NBEAL1: variants seen among roughly 807,000 people sequenced by gnomAD.
The protein encoded by NBEAL1 is neurobeachin-like protein 1.
Under a neutral mutation model 351.3 loss-of-function variants are expected in NBEAL1, and 273 were observed. The ratio of observed to expected loss-of-function variants is 0.78; its 90% CI spans 0.70 to 0.86. The LOEUF is 0.86. NBEAL1 is among the 40% of genes least tolerant of loss of function. The pLI is 0.00. For missense variants in NBEAL1, 2,961 were observed against 3,201.3 expected (o/e 0.92, Z 1.81); for synonymous variants, 1,050 against 1,086.4 (o/e 0.97, Z 0.66).
At chr2:203,118,745 C>G (rs1324257047) in intron 18 of NBEAL1, among the ~76,000 whole-genome samples, 1 of 152,106 alleles carries the variant, frequency 6.6e-6, no homozygotes, top group Non-Finnish European at 1.5e-5. Flanking sequence ...GCACGTACCA[C>G]CACACCTGGC....
In NBEAL1 at chr2:203,138,290, T is replaced by A; in HGVS notation, c.4694T>A (p.Val1565Asp). The change falls in exon 30 of 56, where the codon GTT (valine) becomes GAT (aspartate). Residue 1565 changes from valine to aspartate, a missense_variant. Val to Asp is a radical substitution (Grantham distance 152, BLOSUM62 -3). Transcript: ENST00000683969. Reference sequence around the variant, plus strand: ...GACTTTCTTCAGTCAGAGGGACTAGTTAATTCAAACATGTGGACCGAGAAG... The same window carrying A: ...GACTTTCTTCAGTCAGAGGGACTAGATAATTCAAACATGTGGACCGAGAAG... Reference protein sequence around the residue: ...IQDFLQSEGLVNSNMWTEKLL... With the variant: ...IQDFLQSEGLDNSNMWTEKLL... 1 of 1,613,618 alleles carries A rather than the reference T, an allele frequency of 6.2e-7. No homozygotes were observed. Among genetic ancestry groups the A allele is most frequent in the African/African-American group, 1.3e-5 (1 of 75,016 alleles).
chr2:203,191,527 A>G (rs2065087501), intron 46 of NBEAL1, among the ~76,000 whole-genome samples: 1 of 152,138 alleles, frequency 6.6e-6, no homozygotes, highest in African/African-American at 2.4e-5. Context: ...GAATTTAGTG[A>G]TGTAGAATGT....
At chr2:203,110,765 T>A (rs2062552099) in intron 15 of NBEAL1, among the ~76,000 whole-genome samples, 1 of 60,588 alleles carries the variant, frequency 1.7e-5, no homozygotes, top group Non-Finnish European at 3.7e-5. Flanking sequence ...ATTTTCTTTT[T>A]TCTTTTTTTT....
intron 6 of NBEAL1, among the ~76,000 whole-genome samples, chr2:203,067,394 A>C (rs1035350996): frequency 6.6e-6 from 1 of 152,218 alleles, no homozygotes; most frequent in Non-Finnish European, 1.5e-5. Context: ...ATTTCTAATG[A>C]ATTTGGATAG....
chr2:203,094,798 T>G (rs1193793677), intron 10 of NBEAL1, among the ~76,000 whole-genome samples: 1 of 152,150 alleles, frequency 6.6e-6, no homozygotes, highest in Admixed American at 6.6e-5. Context: ...TAATGTAAAT[T>G]TTTTAAGCTG....
At chr2:203,213,937 A>G (rs2065855300) in intron 55 of NBEAL1, 1 of 264,940 alleles carries the variant, frequency 3.8e-6, no homozygotes, top group African/African-American at 2.3e-5. Context: ...TAGATTTTCA[A>G]TACATAAGAG....
intron 12 of NBEAL1, among the ~76,000 whole-genome samples, chr2:203,105,381 G>A (rs539517834): frequency 4.6e-5 from 7 of 152,038 alleles, no homozygotes; most frequent in Admixed American, 2.0e-4. Context: ...CAGGAGAATG[G>A]TGTGAAACCT....
chr2:203,172,908 T>C (rs1406545794), intron 41 of NBEAL1, 55 bp downstream of exon 41: 4 of 1,511,500 alleles, frequency 2.6e-6, no homozygotes, highest in Non-Finnish European at 3.5e-6. Flanking sequence ...GAATTTGTAT[T>C]GATTTTTTAC....
At chr2:203,119,567 AG>A (rs2062783615) in intron 18 of NBEAL1, among the ~76,000 whole-genome samples, 1 of 151,160 alleles carries the variant, frequency 6.6e-6, no homozygotes, top group Non-Finnish European at 1.5e-5. Context: ...CTGGGATTAC[AG>A]GCATGCGCCA....
chr2:203,127,482 G>A lies in NBEAL1; in HGVS notation c.3249-299G>A, dbSNP rs9941593. ...CTCACGCCTGTAATCCCAGCACTTC[G>A]GGAGGCTGAGGTGGGCAGATCGTGA... is the stretch of plus-strand genomic sequence containing the variant. On this transcript the variant is annotated intron_variant, in intron 23 of 55. Coordinates refer to ENST00000683969, the MANE Select transcript of NBEAL1 (RefSeq NM_001378026.1). Among the ~76,000 whole-genome samples, 5,352 of 152,120 alleles carry A rather than the reference G, an allele frequency of 0.035. 302 individuals carry two copies. Among genetic ancestry groups the A allele is most frequent in the African/African-American group, 0.12 (4,985 of 41,474 alleles).
intron 50 of NBEAL1, 55 bp from the exon 51 acceptor site, chr2:203,202,632 A>G: frequency 1.0e-6 from 1 of 987,136 alleles, no homozygotes; most frequent in South Asian, 1.3e-5. Flanking sequence ...TTGCTCTTAA[A>G]GTTCTATTTT....
Position 203,110,241 on chromosome 2 carries a change from A to G in NBEAL1, c.2041A>G (p.Thr681Ala), listed in dbSNP as rs772146627. 1.3e-6 allele frequency: 2 copies of G among 1,553,044 alleles called. No individual in the cohort carries two copies. Among genetic ancestry groups the G allele is most frequent in the Non-Finnish European group, 8.7e-7 (1 of 1,147,258 alleles). Residue 681 changes from threonine (T) to alanine (A), a missense_variant, in exon 15 of 56, where the codon ACG becomes GCG. Physicochemically the swap from Thr to Ala is moderately conservative, Grantham distance 58 (BLOSUM62 0). Coordinates refer to ENST00000683969, the MANE Select transcript of NBEAL1 (RefSeq NM_001378026.1). ...VAVCTKREYA[T>A]VMLPDHSFCD... Reference sequence around the variant, plus strand: ...AGTGTGCACAAAAAGAGAATATGCAACGGTTATGCTTCCTGACCACAGTTT... The same window carrying G: ...AGTGTGCACAAAAAGAGAATATGCAGCGGTTATGCTTCCTGACCACAGTTT...
chr2:203,025,470 C>T (rs1461443981), intron 2 of NBEAL1, among the ~76,000 whole-genome samples: 1 of 152,166 alleles, frequency 6.6e-6, no homozygotes, highest in Non-Finnish European at 1.5e-5. Context: ...ACATTTGCTA[C>T]AGCTTTTTTT....
intron 26 of NBEAL1, 22 bp downstream of exon 26, chr2:203,132,154 C>G: frequency 2.2e-6 from 3 of 1,341,204 alleles, no homozygotes; most frequent in Non-Finnish European, 3.0e-6. Flanking sequence ...GCTAATAAAG[C>G]TAACATATTT....
intron 31 of NBEAL1, among the ~76,000 whole-genome samples, chr2:203,143,967 G>A (rs973174201): frequency 3.3e-5 from 5 of 151,894 alleles, no homozygotes; most frequent in African/African-American, 7.3e-5. Flanking sequence ...ATCCCAGGAC[G>A]TTGGGAGGCC....
At chr2:203,132,195 A>G (rs1226132715) in intron 26 of NBEAL1, 63 bp downstream of exon 26, 1 of 1,068,980 alleles carries the variant, frequency 9.4e-7, no homozygotes, top group Non-Finnish European at 1.3e-6. Flanking sequence ...AGTTTTTTTC[A>G]TACCTTTCTC....
At chr2:203,042,720 T>C (rs1038866989) in intron 3 of NBEAL1, among the ~76,000 whole-genome samples, 16 of 152,190 alleles carry the variant, frequency 1.1e-4, no homozygotes, top group Admixed American at 3.9e-4. Flanking sequence ...CCCAAGTAGC[T>C]GGGACTACAG....
chr2:203,119,646 G>A (rs1239627119), intron 18 of NBEAL1, among the ~76,000 whole-genome samples: 2 of 151,794 alleles, frequency 1.3e-5, no homozygotes, highest in Non-Finnish European at 2.9e-5. Context: ...GGCTAGTCTC[G>A]AACTCCTGAC....
chr2:203,065,184 A>G (rs2061560985), intron 6 of NBEAL1, among the ~76,000 whole-genome samples: 1 of 152,172 alleles, frequency 6.6e-6, no homozygotes, highest in South Asian at 2.1e-4. Flanking sequence ...TCTTGATCCC[A>G]GGAGTTAGAG....
Sources: allele counts gnomAD v4.1 joint callset (sites outside exome capture counted in the v4.1 genomes callset), GRCh38; gene constraint gnomAD v4.1.1; transcripts MANE v1.5; gene names NCBI Gene and HGNC (gene_info 2026-07-23, HGNC 2026-07-21).